The following MAST1 variants were observed in gnomAD, a reference collection of about 807,000 sequenced individuals.
MAST1 encodes microtubule associated serine/threonine kinase 1.
A neutral mutation model predicts 124.6 loss-of-function variants in MAST1; 40 were observed. That is an observed-to-expected ratio of 0.32 (90% CI 0.25 to 0.42). The LOEUF is 0.42. MAST1 is among the 10% of genes least tolerant of loss of function. The pLI is 1.00. For missense variants in MAST1, 1,558 were observed against 2,181.9 expected, an observed-to-expected ratio of 0.71 and a Z score of 5.70; for synonymous variants, 938 against 939.4, an observed-to-expected ratio of 1.00 and a Z score of 0.03.
chr19:12,871,913 CAAAAAAAAAAAA>C (rs34674708), intron 24 of MAST1, among the ~76,000 whole-genome samples: 5 of 61,052 alleles, frequency 8.2e-5, no homozygotes, highest in African/African-American at 3.2e-4. Flanking sequence ...TAGACTCTTT[CAAAAAAAAAAAA>C]AAAAAAAAAA....
chr19:12,865,763 C>T lies in MAST1; in HGVS notation c.1851C>T (p.Ala617=). The T allele has an allele frequency of 6.2e-7, 1 of 1,613,892 alleles. No homozygotes were observed. The highest frequency in any genetic ancestry group is 8.5e-7 in the Non-Finnish European group (1 of 1,179,916). The change falls in exon 16 of 26, where the codon GCC becomes GCT. Residue 617 remains alanine, a synonymous_variant. Coordinates refer to ENST00000251472, the MANE Select transcript of MAST1 (RefSeq NM_014975.3). This position sits in a 1 kb window ranked among gnomAD's most constrained non-coding sequence, Gnocchi z 7.1. ...PEGDEALPTE[A]QLLISSLLQT... ...GGGATGAGGCCCTACCTACGGAGGC[C>T]CAACTCCTCATATCCAGCCTCCTGC...
intron 12 of MAST1, chr19:12,858,978 T>C (rs566645028): frequency 3.4e-6 from 2 of 596,874 alleles, no homozygotes; most frequent in Non-Finnish European, 5.9e-6. Flanking sequence ...TGACCCATTA[T>C]CCATCCATCT....
rs1970171939 is a variant in MAST1, at chr19:12,867,644, T to C, written c.2310T>C (p.Ser770=). The change falls in exon 19 of 26, where the codon TCT becomes TCC. Residue 770 remains serine (S), a synonymous_variant. Transcript: ENST00000251472. ...GTGAGAAGACCTGGAGAGGGGGCTCTCCGGAGATGTGAGCAGGGGAATGGC... is the reference window on the plus strand; with the variant it reads ...GTGAGAAGACCTGGAGAGGGGGCTCCCCGGAGATGTGAGCAGGGGAATGGC... The part of the protein sequence containing the change: ...TLREKTWRGG[S]PEIKRFSASE... 6.3e-7 allele frequency: 1 copy of C among 1,595,172 alleles called. No individual in the cohort carries two copies. Among genetic ancestry groups the C allele is most frequent in the Non-Finnish European group, 8.5e-7 (1 of 1,171,380 alleles).
chr19:12,868,103 A>ATTTTTTTTTTTTTTT lies in MAST1; in HGVS notation c.2566+135_2566+149dup, dbSNP rs34988246. The ATTTTTTTTTTTTTTT allele has an allele frequency of 5.1e-3, 1,653 of 321,926 alleles. 183 individuals are homozygous for ATTTTTTTTTTTTTTT. The highest frequency in any genetic ancestry group is 0.029 in the African/African-American group (686 of 23,776). The allele number at this position is 321,926 out of a possible 1,614,324, so 19.9% of individuals were successfully genotyped here. On this transcript the variant is annotated intron_variant, in intron 20 of 25. Coordinates refer to ENST00000251472, the MANE Select transcript of MAST1 (RefSeq NM_014975.3). ...GGTCCTATTCACATTGCAATTTGGG[A>ATTTTTTTTTTTTTTT]TTTTTTTTTTTTTTTTTTTTTTTGA...
chr19:12,842,662 C>T (rs920044009), intron 3 of MAST1, among the ~76,000 whole-genome samples: 1 of 152,152 alleles, frequency 6.6e-6, no homozygotes, highest in African/African-American at 2.4e-5. Context: ...CACATGAGCA[C>T]GCGCCGATGT....
chr19:12,848,156 T>C, intron 7 of MAST1, 99 bp downstream of exon 7: 1 of 761,678 alleles, frequency 1.3e-6, no homozygotes, highest in Non-Finnish European at 2.1e-6. Flanking sequence ...AGGGAGCTCC[T>C]ACCACGTTCC....
Position 12,867,486 on chromosome 19 carries a change from A to G in MAST1, c.2152A>G (p.Met718Val). 1.2e-6 allele frequency: 2 copies of G among 1,613,518 alleles called. No individual in the cohort carries two copies. The highest frequency in any genetic ancestry group is 1.7e-6 in the Non-Finnish European group (2 of 1,179,994). ...CCACCACCTACAGGTGTATAGCAGC[A>G]TGGAGCAGCTGTCGCAGCACGAGCC... The part of the protein sequence containing the change: ...SPRFSKVYSS[M>V]EQLSQHEPKT... The change falls in exon 19 of 26, where the codon ATG (methionine) becomes GTG (valine). Residue 718 changes from methionine (M) to valine (V), a missense_variant. Physicochemically the swap from Met to Val is conservative, Grantham distance 21 (BLOSUM62 1). This residue lies in a region of MAST1 where 287 missense variants were observed against 308.0 expected (regional missense o/e 0.93). Transcript: ENST00000251472.
In MAST1 at chr19:12,866,216, A is replaced by G. The variant is rs1040089034; in HGVS notation, c.2029+114A>G. ...GGCTAAGTACCAAGATGTGATGCCT[A>G]GGTGCGAAGGTGGTATTTTGGTGGG... On this transcript the variant is annotated intron_variant, in intron 17 of 25. Transcript: ENST00000251472. This position sits in a 1 kb window ranked among gnomAD's most constrained non-coding sequence, Gnocchi z 5.2. 5.8e-6 allele frequency: 4 copies of G among 690,390 alleles called. No homozygotes were observed. The highest frequency in any genetic ancestry group is 4.7e-5 in the African/African-American group (2 of 42,234). The allele number at this position is 690,390 out of a possible 1,614,324, so 42.8% of individuals were successfully genotyped here.
chr19:12,869,382 A>G, intron 22 of MAST1, 87 bp downstream of exon 22: 1 of 1,064,368 alleles, frequency 9.4e-7, no homozygotes, highest in Non-Finnish European at 1.4e-6. Flanking sequence ...AGCCTGGGTG[A>G]GACACCTCTG....
Position 12,866,696 on chromosome 19 carries a change from T to A in MAST1, c.2073T>A (p.Asp691Glu). 1.2e-6 allele frequency: 2 copies of A among 1,613,958 alleles called. No homozygotes were observed. Among genetic ancestry groups the A allele is most frequent in the Non-Finnish European group, 8.5e-7 (1 of 1,179,960 alleles). The change falls in exon 18 of 26, where the codon GAT becomes GAA. Residue 691 changes from aspartate (D) to glutamate (E), a missense_variant. Around this residue, in one of 10 missense-constraint regions of MAST1, gnomAD observed 287 missense variants for 308.0 expected, o/e 0.93. Coordinates refer to ENST00000251472, the MANE Select transcript of MAST1 (RefSeq NM_014975.3). The surrounding 1 kb of genome is among the most constrained non-coding windows in gnomAD (Gnocchi z 5.2). ...ACCACGTGAACTCCTATGACGAGGA[T>A]GACACGACGGAGGAGGAGCCCGTGG... ...RYHHVNSYDE[D>E]DTTEEEPVEI...
intron 12 of MAST1, among the ~76,000 whole-genome samples, chr19:12,862,515 T>C (rs1000955706): frequency 5.9e-5 from 9 of 152,156 alleles, no homozygotes; most frequent in African/African-American, 1.2e-4. Context: ...GAAAATCCAT[T>C]TGGAGGCCCA....
intron 10 of MAST1, among the ~76,000 whole-genome samples, chr19:12,854,953 G>C (rs1299145798): frequency 6.6e-6 from 1 of 151,948 alleles, no homozygotes; most frequent in African/African-American, 2.4e-5. Flanking sequence ...AATTTGGGCT[G>C]GGCCTGATGG....
Position 12,841,014 on chromosome 19 carries a change from C to A in MAST1, c.196C>A (p.Arg66=). ...HLGSSPLDSP[R]NFSPNTPAHF... is the part of the protein sequence containing the mutation. ...AGGCAGCAGTCCCCTGGACAGCCCC[C>A]GAAACTTCTCCCCCAACACCCCCGC... The change falls in exon 3 of 26, where the codon CGA becomes AGA. Residue 66 remains arginine, a synonymous_variant. Transcript: ENST00000251472. This position sits in a 1 kb window ranked among gnomAD's most constrained non-coding sequence, Gnocchi z 4.3. 1 of 1,475,558 alleles carries A rather than the reference C, an allele frequency of 6.8e-7. No homozygotes were observed. Among genetic ancestry groups the A allele is most frequent in the Non-Finnish European group, 9.5e-7 (1 of 1,052,976 alleles). 91.4% of individuals were successfully genotyped at this position (1,475,558 alleles called of 1,614,324 possible).
In MAST1 at chr19:12,866,810, G is replaced by A. The variant is rs1187720759; in HGVS notation, c.2139+48G>A. 3.4e-6 allele frequency: 5 copies of A among 1,480,818 alleles called. No homozygotes were observed. The East Asian group carries it at 7.1e-5, about 21-fold the overall frequency. 91.7% of individuals were successfully genotyped at this position (1,480,818 alleles called of 1,614,324 possible). A position where few individuals can be genotyped will look rare whatever the true frequency, so the allele number is the denominator to read the frequency against. Reference sequence around the variant, plus strand: ...ACAGGGCGAGACCCCAGGAGGGATGGGGCTTGGAGAGACAGTGAGAAACAG... The same window carrying A: ...ACAGGGCGAGACCCCAGGAGGGATGAGGCTTGGAGAGACAGTGAGAAACAG... On this transcript the variant is annotated intron_variant, in intron 18 of 25. Coordinates refer to ENST00000251472, the MANE Select transcript of MAST1 (RefSeq NM_014975.3). The surrounding 1 kb of genome is among the most constrained non-coding windows in gnomAD (Gnocchi z 5.2).
In MAST1 at chr19:12,868,868, T is replaced by G. The variant is rs201582569; in HGVS notation, c.2773+19T>G. ...CCTGCAGGTAATGCTGGGCCCCACC[T>G]GGCAGGGGAGGGGCTGCCCCCCATT... On this transcript the variant is annotated intron_variant, in intron 21 of 25. Coordinates refer to ENST00000251472, the MANE Select transcript of MAST1 (RefSeq NM_014975.3). The G allele has an allele frequency of 6.4e-7, 1 of 1,561,710 alleles. No individual in the cohort carries two copies. Among genetic ancestry groups the G allele is most frequent in the East Asian group, 2.3e-5 (1 of 44,312 alleles).
In MAST1 at chr19:12,873,506, A is replaced by T; in HGVS notation, c.3446A>T (p.Tyr1149Phe). The T allele has an allele frequency of 6.2e-7, 1 of 1,602,340 alleles. No homozygotes were observed. The highest frequency in any genetic ancestry group is 2.2e-5 in the East Asian group (1 of 44,690). ...HSYRSTPDSAYLGASSQSSSP... is the reference protein window; with the variant it reads ...HSYRSTPDSAFLGASSQSSSP... ...TACCGCTCCACGCCTGACTCCGCCT[A>T]CCTAGGTATTACCTCCTGCACCTGC... is the stretch of plus-strand genomic sequence containing the variant. The change falls in exon 25 of 26, where the codon TAC (tyrosine) becomes TTC (phenylalanine). Residue 1149 changes from tyrosine to phenylalanine, a missense_variant. Physicochemically the swap from Tyr to Phe is conservative, Grantham distance 22 (BLOSUM62 3). This residue lies in a region of MAST1 where 291 missense variants were observed against 475.8 expected (regional missense o/e 0.61). Coordinates refer to ENST00000251472, the MANE Select transcript of MAST1 (RefSeq NM_014975.3).
chr19:12,839,402 T>C (rs1238968672), intron 1 of MAST1, among the ~76,000 whole-genome samples: 1 of 152,182 alleles, frequency 6.6e-6, no homozygotes, highest in Non-Finnish European at 1.5e-5. Context: ...TCATCCAAGA[T>C]GCAAACATGT....
chr19:12,867,355 G>A lies in MAST1; in HGVS notation c.2140-119G>A. The stretch of plus-strand genomic sequence containing the variant: ...AGGTTGGGGGATCATGCACAATTGG[G>A]CGGAGCCAGGCCTCGGAGGGTGGAG... On this transcript the variant is annotated intron_variant, in intron 18 of 25. Transcript: ENST00000251472. 3.5e-6 allele frequency: 4 copies of A among 1,143,798 alleles called. No homozygotes were observed. In the South Asian group the frequency reaches 5.5e-5, roughly 16 times the overall value. The allele number at this position is 1,143,798 out of a possible 1,614,324, so 70.9% of individuals were successfully genotyped here.
At chr19:12,869,043 T>C (rs775454742) in intron 21 of MAST1, 23 bp from the exon 22 acceptor site, 2 of 1,609,708 alleles carry the variant, frequency 1.2e-6, no homozygotes, top group Non-Finnish European at 8.5e-7. Context: ...TTCTGATTTC[T>C]GACCATGGTT....
Sources: allele counts gnomAD v4.1 joint callset (sites outside exome capture counted in the v4.1 genomes callset), GRCh38; gene constraint gnomAD v4.1.1; regional missense constraint gnomAD v4.1.1; non-coding constraint Gnocchi (gnomAD v3.1); transcripts MANE v1.5; gene names NCBI Gene and HGNC (gene_info 2026-07-23, HGNC 2026-07-21).